GPC6: variants seen among roughly 807,000 people sequenced by gnomAD.
GPC6 encodes the protein glypican-6.
In GPC6, 14 loss-of-function variants were observed where a neutral mutation model predicts 55.2. That is an observed-to-expected ratio of 0.25 (90% CI 0.17 to 0.40). The LOEUF is 0.40. Ranked by LOEUF, GPC6 falls within the 10% of genes least tolerant of loss-of-function variation. The pLI, the probability that GPC6 is intolerant of heterozygous loss-of-function variation, is 1.00. For missense variants in GPC6, 641 were observed against 708.5 expected (o/e 0.90, Z 1.08); for synonymous variants, 278 against 259.6 (o/e 1.07, Z -0.68).
intron 6 of GPC6, among the ~76,000 whole-genome samples, chr13:94,314,953 T>C (rs140452050): frequency 6.6e-6 from 1 of 152,278 alleles, no homozygotes; most frequent in East Asian, 1.9e-4. Flanking sequence ...AAAAAACAGA[T>C]GAAAAGGAAC....
intron 3 of GPC6, among the ~76,000 whole-genome samples, chr13:93,975,595 T>C (rs902854280): frequency 2.0e-5 from 3 of 152,178 alleles, no homozygotes; most frequent in East Asian, 1.9e-4. Context: ...ATGAGTTTTT[T>C]ATTGAAAAAT....
chr13:94,198,238 G>T (rs1032634950), intron 4 of GPC6, among the ~76,000 whole-genome samples: 1 of 151,986 alleles, frequency 6.6e-6, no homozygotes, highest in South Asian at 2.1e-4. Context: ...ATAATGAAAA[G>T]GTAATAAAGA....
intron 1 of GPC6, among the ~76,000 whole-genome samples, chr13:93,441,449 T>C (rs539893140): frequency 1.8e-4 from 27 of 152,354 alleles, no homozygotes; most frequent in Admixed American, 3.3e-4. Flanking sequence ...TGGCCAGTGA[T>C]GATGAGCATT....
chr13:93,667,689 T>G (rs1881196463), intron 2 of GPC6, among the ~76,000 whole-genome samples: 1 of 150,934 alleles, frequency 6.6e-6, no homozygotes, highest in Non-Finnish European at 1.5e-5. Flanking sequence ...CACCTTGGCC[T>G]TGTGCTGGGA....
In GPC6 at chr13:94,381,175, T is replaced by C. The variant is rs554180714; in HGVS notation, c.1153-1239T>C. On this transcript the variant is annotated intron_variant, in intron 6 of 8. Transcript: ENST00000377047. Reference sequence around the variant, plus strand: ...AAATAATCTGTGTTACTAGGTACTTTGAGATTCTGTAAATATCCCATTCCC... The same window carrying C: ...AAATAATCTGTGTTACTAGGTACTTCGAGATTCTGTAAATATCCCATTCCC... Among the ~76,000 whole-genome samples, 13 of 152,340 alleles carry C rather than the reference T, an allele frequency of 8.5e-5. 1 individual carries two copies. The South Asian group carries it at 2.1e-3, about 24-fold the overall frequency.
At chr13:93,575,385 T>G (rs1876609366) in intron 2 of GPC6, among the ~76,000 whole-genome samples, 1 of 152,176 alleles carries the variant, frequency 6.6e-6, no homozygotes, top group Non-Finnish European at 1.5e-5. Flanking sequence ...CCTTTCTTAA[T>G]GTAGTGTTTC....
At chr13:93,828,384 T>C (rs973346305) in intron 2 of GPC6, among the ~76,000 whole-genome samples, 3 of 152,118 alleles carry the variant, frequency 2.0e-5, no homozygotes, top group African/African-American at 4.8e-5. Context: ...TAATTTAATA[T>C]AGTTTCCATT....
chr13:94,354,560 A>G (rs922233377), intron 6 of GPC6, among the ~76,000 whole-genome samples: 1 of 152,232 alleles, frequency 6.6e-6, no homozygotes, highest in African/African-American at 2.4e-5. Flanking sequence ...AGCACAAAAA[A>G]TAGCCGAAGA....
chr13:93,492,699 A>G (rs2139359610), intron 1 of GPC6, among the ~76,000 whole-genome samples: 1 of 151,174 alleles, frequency 6.6e-6, no homozygotes, highest in African/African-American at 2.4e-5. Context: ...ACGTCCCATC[A>G]AGACCTAATT....
chr13:94,406,418 G>C lies in GPC6; in HGVS notation c.*3201G>C, dbSNP rs1480502927. ...TTCACGAAGGCCAAGTTGGTACTTT[G>C]ATTATAGCCATCGTAGAACATTAGC... On this transcript the variant is annotated 3_prime_UTR_variant, in exon 9 of 9. Coordinates refer to ENST00000377047, the MANE Select transcript of GPC6 (RefSeq NM_005708.5). 6.6e-6 allele frequency: 1 copy of C among 152,060 alleles called. No homozygotes were observed. The highest frequency in any genetic ancestry group is 1.5e-5 in the Non-Finnish European group (1 of 67,970). 9.4% of individuals were successfully genotyped at this position (152,060 alleles called of 1,614,324 possible).
intron 1 of GPC6, among the ~76,000 whole-genome samples, chr13:93,266,324 C>T (rs559516691): frequency 8.5e-5 from 13 of 152,180 alleles, no homozygotes; most frequent in South Asian, 4.1e-4. Flanking sequence ...ACATTATAGA[C>T]GCACTAACAG....
At chr13:93,765,027 C>T (rs776648374) in intron 2 of GPC6, among the ~76,000 whole-genome samples, 3 of 152,070 alleles carry the variant, frequency 2.0e-5, no homozygotes, top group Non-Finnish European at 2.9e-5. Flanking sequence ...TCTCAATCTC[C>T]TGACCTCGCG....
At chr13:93,498,213 CAAATATT>C (rs1880382866) in intron 1 of GPC6, among the ~76,000 whole-genome samples, 1 of 152,192 alleles carries the variant, frequency 6.6e-6, no homozygotes, top group Admixed American at 6.5e-5. Flanking sequence ...AGCTAATGAT[CAAATATT>C]GTCCAGCTCT....
At chr13:93,511,452 A>T (rs76236545) in intron 1 of GPC6, among the ~76,000 whole-genome samples, 1 of 151,566 alleles carries the variant, frequency 6.6e-6, no homozygotes, top group Non-Finnish European at 1.5e-5. Flanking sequence ...CCCAATATAA[A>T]TTTTTTTGGC....
chr13:94,157,955 G>T (rs1319220086), intron 4 of GPC6, among the ~76,000 whole-genome samples: 1 of 152,154 alleles, frequency 6.6e-6, no homozygotes, highest in East Asian at 1.9e-4. Context: ...AGGCTGGGAA[G>T]ATGGAAATTA....
intron 1 of GPC6, among the ~76,000 whole-genome samples, chr13:93,383,055 C>T (rs1875245671): frequency 1.3e-5 from 2 of 152,108 alleles, no homozygotes; most frequent in African/African-American, 4.8e-5. Context: ...GATTACAGCT[C>T]AGATCAATGG....
At chr13:94,180,192 C>T (rs891081447) in intron 4 of GPC6, among the ~76,000 whole-genome samples, 7 of 152,084 alleles carry the variant, frequency 4.6e-5, no homozygotes, top group African/African-American at 9.7e-5. Flanking sequence ...GGGAGAACCA[C>T]GGAGGGCTTT....
intron 2 of GPC6, among the ~76,000 whole-genome samples, chr13:93,634,893 A>G (rs1034280725): frequency 6.6e-6 from 1 of 152,208 alleles, no homozygotes; most frequent in Non-Finnish European, 1.5e-5. Flanking sequence ...AGAAAAATGA[A>G]TAGGAACAAC....
chr13:93,315,921 A>G (rs906506745), intron 1 of GPC6, among the ~76,000 whole-genome samples: 1 of 151,974 alleles, frequency 6.6e-6, no homozygotes, highest in Non-Finnish European at 1.5e-5. Context: ...CTGATCCTCT[A>G]GCTAATATGC....
Sources: allele counts gnomAD v4.1 joint callset (sites outside exome capture counted in the v4.1 genomes callset), GRCh38; gene constraint gnomAD v4.1.1; transcripts MANE v1.5; gene names NCBI Gene and HGNC (gene_info 2026-07-23, HGNC 2026-07-21).